The following SNAP47 variants were observed in gnomAD, a reference collection of about 807,000 sequenced individuals.
SNAP47 encodes synaptosomal-associated protein 47.
A neutral mutation model predicts 31.4 loss-of-function variants in SNAP47; 20 were observed. That is an observed-to-expected ratio of 0.64 (90% CI 0.45 to 0.93). SNAP47 has a LOEUF of 0.93. SNAP47 is among the 40% of genes least tolerant of loss of function. SNAP47 has a pLI of 0.00. For synonymous variants in SNAP47, 194 were observed against 213.4 expected (o/e 0.91, Z 0.79); for missense variants, 492 against 528.5 (o/e 0.93, Z 0.68).
upstream of SNAP47, chr1:227,734,448 A>C: frequency 2.0e-6 from 1 of 488,782 alleles, no homozygotes; most frequent in Non-Finnish European, 3.5e-6. Context: ...TCAAAAAAAA[A>C]GGAAAAAAAA....
chr1:227,748,045 G>A lies in SNAP47; in HGVS notation c.309G>A (p.Leu103=), dbSNP rs1662088713. Reference sequence around the variant, plus strand: ...AGCATTTCTGGAGGGAGCTGCTGCTGTCTCAGCCTGGAGCCGTGGCAGACG... The same window carrying A: ...AGCATTTCTGGAGGGAGCTGCTGCTATCTCAGCCTGGAGCCGTGGCAGACG... ...IIEHFWRELL[L]SQPGAVADAS... Residue 103 remains leucine, a synonymous_variant, in exon 2 of 5, where the codon CTG becomes CTA. Coordinates refer to ENST00000617596, the MANE Select transcript of SNAP47 (RefSeq NM_053052.4). The A allele has an allele frequency of 1.9e-6, 3 of 1,614,080 alleles. No individual in the cohort carries two copies. The African/African-American group carries it at 4.0e-5, about 22-fold the overall frequency.
At chr1:227,738,568 T>G (rs1661389697) in intron 1 of SNAP47, among the ~76,000 whole-genome samples, 1 of 152,244 alleles carries the variant, frequency 6.6e-6, no homozygotes, top group Non-Finnish European at 1.5e-5. Context: ...TTGTTTTTTA[T>G]TTAACAATAT....
intron 4 of SNAP47, among the ~76,000 whole-genome samples, chr1:227,775,503 C>G (rs1477219436): frequency 6.6e-6 from 1 of 152,168 alleles, no homozygotes; most frequent in Non-Finnish European, 1.5e-5. Context: ...CAGACATGTC[C>G]CATGGGACAC....
At chr1:227,749,908 C>T (rs1249743893) in intron 2 of SNAP47, among the ~76,000 whole-genome samples, 1 of 152,186 alleles carries the variant, frequency 6.6e-6, no homozygotes, top group Non-Finnish European at 1.5e-5. Flanking sequence ...CTTGAAAAGT[C>T]ATTTTGAAGC....
In SNAP47 at chr1:227,780,738, C is replaced by T; in HGVS notation, c.*65C>T. The T allele has an allele frequency of 6.3e-7, 1 of 1,599,494 alleles. No homozygotes were observed. The highest frequency in any genetic ancestry group is 8.5e-7 in the Non-Finnish European group (1 of 1,172,254). ...CCCGCTGAGATGGAGGGCTGGGCGG[C>T]AGTGCCAGGGCTGCAGAGGCCTGTG... On this transcript the variant is annotated 3_prime_UTR_variant, in exon 5 of 5. Transcript: ENST00000617596.
At chr1:227,774,810 A>G (rs1664051414) in intron 4 of SNAP47, among the ~76,000 whole-genome samples, 1 of 152,350 alleles carries the variant, frequency 6.6e-6, no homozygotes, top group South Asian at 2.1e-4. Flanking sequence ...CTCAGTTCAC[A>G]TTCACTGAAC....
At chr1:227,736,871 A>G (rs1368913792) in intron 1 of SNAP47, among the ~76,000 whole-genome samples, 1 of 151,936 alleles carries the variant, frequency 6.6e-6, no homozygotes, top group East Asian at 1.9e-4. Context: ...GGGCTGCGGT[A>G]GTCCTCGAGA....
chr1:227,739,220 G>GC (rs1661434455), intron 1 of SNAP47, among the ~76,000 whole-genome samples: 1 of 152,286 alleles, frequency 6.6e-6, no homozygotes, highest in African/African-American at 2.4e-5. Context: ...GAATGCAATA[G>GC]CGCTATCTTG....
chr1:227,757,195 T>A (rs778742931), intron 2 of SNAP47, among the ~76,000 whole-genome samples: 1 of 152,200 alleles, frequency 6.6e-6, no homozygotes, highest in Non-Finnish European at 1.5e-5. Flanking sequence ...ATGGCATGAT[T>A]TTGGAACCAG....
At chr1:227,736,404 C>T (rs1336290739) in intron 1 of SNAP47, 1 of 152,058 alleles carries the variant, frequency 6.6e-6, no homozygotes, top group Non-Finnish European at 1.5e-5. Flanking sequence ...TGGAGTTACC[C>T]CAAAAGTGGC....
At chr1:227,773,014 G>A (rs969609223) in intron 4 of SNAP47, among the ~76,000 whole-genome samples, 2 of 152,052 alleles carry the variant, frequency 1.3e-5, no homozygotes, top group African/African-American at 4.8e-5. Context: ...AGGCTGGAGT[G>A]CAGTGGCATG....
At chr1:227,730,955 G>T (rs947127258), upstream of SNAP47, 1 of 152,296 alleles carries the variant, frequency 6.6e-6, no homozygotes, top group South Asian at 2.1e-4. Context: ...GAGGTTACCG[G>T]AGGGGCTAAA....
upstream of SNAP47, chr1:227,734,743 G>A (rs1036571092): frequency 6.2e-6 from 10 of 1,614,004 alleles, no homozygotes; most frequent in African/African-American, 6.7e-5. Context: ...TGTAGTCTCT[G>A]AGAGTCATGT....
intron 4 of SNAP47, chr1:227,776,872 G>A: frequency 1.0e-6 from 1 of 985,406 alleles, no homozygotes; most frequent in Non-Finnish European, 1.2e-6. Context: ...CTCTTTTAAG[G>A]CCTTCAACGT....
At chr1:227,732,153 A>G (rs890310804), upstream of SNAP47, 3 of 585,180 alleles carry the variant, frequency 5.1e-6, no homozygotes, top group Non-Finnish European at 9.1e-6. Context: ...TCCTGGCACC[A>G]TCTCCGAGCT....
At chr1:227,774,287 C>G (rs1339771532) in intron 4 of SNAP47, among the ~76,000 whole-genome samples, 1 of 152,222 alleles carries the variant, frequency 6.6e-6, no homozygotes, top group Non-Finnish European at 1.5e-5. Context: ...CGTTTGCTAG[C>G]CTTTAAATGT....
chr1:227,776,706 A>T, intron 4 of SNAP47: 1 of 985,502 alleles, frequency 1.0e-6, no homozygotes. Flanking sequence ...CCTGCACTCC[A>T]GGACACTAGC....
chr1:227,734,808 C>G (rs745399612), upstream of SNAP47: 1 of 1,613,894 alleles, frequency 6.2e-7, no homozygotes, highest in Non-Finnish European at 8.5e-7. Context: ...ACTGGTACAA[C>G]CACGTCTCCT....
intron 2 of SNAP47, among the ~76,000 whole-genome samples, chr1:227,750,095 A>G (rs999951076): frequency 1.8e-4 from 28 of 152,208 alleles, no homozygotes; most frequent in African/African-American, 6.5e-4. Flanking sequence ...GGTTAGTTGG[A>G]CTGAGGTCAC....
Sources: allele counts gnomAD v4.1 joint callset (sites outside exome capture counted in the v4.1 genomes callset), GRCh38; gene constraint gnomAD v4.1.1; transcripts MANE v1.5; gene names NCBI Gene and HGNC (gene_info 2026-07-23, HGNC 2026-07-21).